FRY: variants seen among roughly 807,000 people sequenced by gnomAD.
FRY encodes FRY microtubule binding protein, also known as protein furry homolog.
In FRY, 128 loss-of-function variants were observed where a neutral mutation model predicts 348.4. That is an observed-to-expected ratio of 0.37 (90% CI 0.32 to 0.43). The LOEUF is 0.43. FRY is among the 20% of genes least tolerant of loss of function. The probability of loss-of-function intolerance (pLI) is 1.00; values close to 1 mark genes in which losing one functional copy is unlikely to be tolerated. For missense variants in FRY, 2,736 were observed against 3,695.2 expected (o/e 0.74, Z 6.73); for synonymous variants, 1,370 against 1,374.7 (o/e 1.00, Z 0.08).
chr13:32,127,677 A>G (rs1593644229), intron 7 of FRY, among the ~76,000 whole-genome samples: 2 of 151,840 alleles, frequency 1.3e-5, no homozygotes, highest in Non-Finnish European at 2.9e-5. Context: ...TACTCAGGAG[A>G]CTGAGGCAGG....
intron 29 of FRY, among the ~76,000 whole-genome samples, chr13:32,197,554 C>T (rs540303666): frequency 6.6e-6 from 1 of 152,298 alleles, no homozygotes; most frequent in Non-Finnish European, 1.5e-5. Context: ...TGTTCTTGAA[C>T]AAGTTACTGC....
intron 29 of FRY, among the ~76,000 whole-genome samples, chr13:32,201,566 A>G (rs1884031445): frequency 6.6e-6 from 1 of 152,248 alleles, no homozygotes; most frequent in African/African-American, 2.4e-5. Flanking sequence ...TTGGTGAGCT[A>G]TTGAGAAATT....
chr13:32,222,336 C>A (rs1885360865), intron 36 of FRY, among the ~76,000 whole-genome samples: 2 of 152,172 alleles, frequency 1.3e-5, no homozygotes, highest in Middle Eastern at 6.8e-3. Flanking sequence ...CCTTAAAGGC[C>A]ACGGGTGTGG....
At chr13:32,226,441 T>C (rs907079508) in intron 39 of FRY, among the ~76,000 whole-genome samples, 1 of 152,168 alleles carries the variant, frequency 6.6e-6, no homozygotes, top group Non-Finnish European at 1.5e-5. Flanking sequence ...ACACCATTAG[T>C]GGGAGCCTGT....
intron 58 of FRY, among the ~76,000 whole-genome samples, chr13:32,285,118 CTAAATAAAACAAGGACAT>C (rs1178938171): frequency 3.3e-5 from 5 of 152,096 alleles, no homozygotes; most frequent in Non-Finnish European, 7.4e-5. Context: ...ATCCTCGTGA[CTAAATAAAACAAGGACAT>C]TCCCACATGT....
At position 32,155,670 on chromosome 13, in the gene FRY, T is replaced by G. The variant is rs758419688; in HGVS notation, c.1651+8T>G. ...AGGAAGCCAAAATGATAGGTGAGTT[T>G]CAGAAGTGCATAAGAACTAAGCCTT... On this transcript the variant is annotated splice_region_variant and intron_variant, in intron 15 of 60. Transcript: ENST00000542859. 1 of 1,605,606 alleles carries G rather than the reference T, an allele frequency of 6.2e-7. No individual in the cohort carries two copies. The highest frequency in any genetic ancestry group is 8.5e-7 in the Non-Finnish European group (1 of 1,173,748).
chr13:32,264,799 A>C (rs897849987), intron 53 of FRY, among the ~76,000 whole-genome samples: 1 of 152,238 alleles, frequency 6.6e-6, no homozygotes, highest in Non-Finnish European at 1.5e-5. Context: ...TAAAGCATAC[A>C]TGCAAATGGA....
intron 50 of FRY, among the ~76,000 whole-genome samples, chr13:32,253,350 T>C (rs1887177829): frequency 1.3e-5 from 2 of 152,270 alleles, no homozygotes; most frequent in African/African-American, 4.8e-5. Flanking sequence ...ATTCATTCTT[T>C]CTACTTTTGA....
chr13:32,261,422 A>T (rs1298322066), intron 51 of FRY, 194 bp from the exon 52 acceptor site: 3 of 760,922 alleles, frequency 3.9e-6, no homozygotes, highest in Non-Finnish European at 7.2e-6. Flanking sequence ...ATGACTTCAC[A>T]TGAGTTTACA....
chr13:32,278,790 ACTGT>A (rs1277958366), intron 58 of FRY, among the ~76,000 whole-genome samples: 4 of 152,192 alleles, frequency 2.6e-5, no homozygotes, highest in Non-Finnish European at 4.4e-5. Context: ...TTTGCTGGAT[ACTGT>A]CTAACTATAC....
chr13:32,201,145 A>G (rs924215162), intron 29 of FRY, among the ~76,000 whole-genome samples: 8 of 152,148 alleles, frequency 5.3e-5, no homozygotes, highest in African/African-American at 1.9e-4. Context: ...TATTCAGTCT[A>G]CTACACAAAG....
In FRY at chr13:32,081,418, G is replaced by A. The variant is rs145935539; in HGVS notation, c.270+2385G>A. 7.1e-3 allele frequency among the ~76,000 whole-genome samples: 1,083 copies of A among 152,232 alleles called. 34 individuals carry two copies. Among genetic ancestry groups the A allele is most frequent in the Admixed American group, 0.042 (647 of 15,272 alleles). On this transcript the variant is annotated intron_variant, in intron 2 of 60. Coordinates refer to ENST00000542859, the MANE Select transcript of FRY (RefSeq NM_023037.3). ...TGGCTCACCACAACCTCGGCTTCCCGGGTTCAATTAATTCTTGTGCCTCAG... is the reference window on the plus strand; with the variant it reads ...TGGCTCACCACAACCTCGGCTTCCCAGGTTCAATTAATTCTTGTGCCTCAG...
chr13:32,218,543 G>A (rs553812809), intron 35 of FRY, among the ~76,000 whole-genome samples: 1 of 152,190 alleles, frequency 6.6e-6, no homozygotes, highest in African/African-American at 2.4e-5. Context: ...GCTGGGTGTG[G>A]TGGTGCACAC....
intron 41 of FRY, among the ~76,000 whole-genome samples, chr13:32,232,315 T>G (rs2138436706): frequency 6.6e-6 from 1 of 152,314 alleles, no homozygotes; most frequent in South Asian, 2.1e-4. Flanking sequence ...GCATAAAGTC[T>G]AAGTCTTTTT....
At chr13:32,168,858 T>A (rs746678975) in intron 17 of FRY, among the ~76,000 whole-genome samples, 1 of 152,264 alleles carries the variant, frequency 6.6e-6, no homozygotes, top group Non-Finnish European at 1.5e-5. Context: ...TTTGCTTATC[T>A]TATCAAACTT....
chr13:32,056,295 T>A (rs1364464550), intron 1 of FRY, among the ~76,000 whole-genome samples: 9 of 151,672 alleles, frequency 5.9e-5, no homozygotes, highest in African/African-American at 2.2e-4. Flanking sequence ...CTGTGCCCAA[T>A]AAGTATCATA....
intron 31 of FRY, among the ~76,000 whole-genome samples, chr13:32,205,338 A>G (rs1884296211): frequency 6.6e-6 from 1 of 152,212 alleles, no homozygotes; most frequent in Non-Finnish European, 1.5e-5. Context: ...GGCCAGGAAT[A>G]TCAGAAAAGA....
intron 53 of FRY, among the ~76,000 whole-genome samples, chr13:32,265,073 G>A (rs1887848667): frequency 6.6e-6 from 1 of 152,226 alleles, no homozygotes; most frequent in Admixed American, 6.5e-5. Flanking sequence ...GTATGGACCT[G>A]ATATTAGACA....
chr13:32,186,437 T>G lies in FRY; in HGVS notation c.3480+17T>G, dbSNP rs1172566598. The G allele has an allele frequency of 6.6e-7, 1 of 1,525,800 alleles. No homozygotes were observed. The highest frequency in any genetic ancestry group is 1.7e-5 in the Admixed American group (1 of 59,918). The allele number at this position is 1,525,800 out of a possible 1,614,324, so 94.5% of individuals were successfully genotyped here. ...GCATTAAAAGTAGGTGATATTGTAC[T>G]CACGAATGACTGAGTCAGATGGATG... On this transcript the variant is annotated intron_variant, in intron 27 of 60. Coordinates refer to ENST00000542859, the MANE Select transcript of FRY (RefSeq NM_023037.3).
Sources: gnomAD v4.1 joint callset for allele counts (sites outside exome capture counted in the v4.1 genomes callset) on GRCh38, gnomAD v4.1.1 for gene constraint, MANE v1.5 for transcripts, NCBI Gene and HGNC (gene_info 2026-07-23, HGNC 2026-07-21) for gene names.